Variants in PRR12 observed in about 807,000 individuals in gnomAD.
The protein encoded by PRR12 is proline-rich protein 12.
PRR12 carries 12 observed loss-of-function variants against 138.0 expected under a neutral mutation model. The observed-to-expected ratio is 0.09, with a 90% confidence interval of 0.06 to 0.14. PRR12 has a LOEUF of 0.14. Among genes scored for constraint, PRR12 ranks in the 10% least tolerant of loss-of-function variants. The pLI is 1.00. For synonymous variants in PRR12, 1,567 were observed against 1,291.7 expected, an observed-to-expected ratio of 1.21 and a Z score of -4.57; for missense variants, 2,692 against 2,861.3, an observed-to-expected ratio of 0.94 and a Z score of 1.35.
chr19:49,610,643 G>A (rs895730613), intron 6 of PRR12, among the ~76,000 whole-genome samples: 28 of 148,182 alleles, frequency 1.9e-4, no homozygotes, highest in African/African-American at 6.1e-4. Context: ...CTGGGTTCAC[G>A]CCATTCTCCT....
rs985900128 is a variant in PRR12 at position 49,594,893 on chromosome 19, T to A, written c.558T>A (p.His186Gln). The change falls in exon 4 of 14, where the codon CAT (histidine) becomes CAA (glutamine). Residue 186 changes from histidine (H) to glutamine (Q), a missense_variant. Coordinates refer to ENST00000418929, the MANE Select transcript of PRR12 (RefSeq NM_020719.3). The surrounding 1 kb of genome is among the most constrained non-coding windows in gnomAD (Gnocchi z 5.6). ...CAGCTAACGGGCTCCTGTCCCCTCA[T>A]GACGTGCTGCACCTGAAGCCCTCGC... ...SPPANGLLSP[H>Q]DVLHLKPSQA... 1.9e-6 allele frequency: 3 copies of A among 1,610,754 alleles called. No individual in the cohort carries two copies. Among genetic ancestry groups the A allele is most frequent in the African/African-American group, 1.3e-5 (1 of 74,840 alleles).
In PRR12 at chr19:49,597,417, G is replaced by A; in HGVS notation, c.3082G>A (p.Gly1028Ser). The A allele has an allele frequency of 6.5e-7, 1 of 1,538,450 alleles. No homozygotes were observed. Among genetic ancestry groups the A allele is most frequent in the Non-Finnish European group, 8.7e-7 (1 of 1,146,392 alleles). Residue 1028 changes from glycine to serine, a missense_variant, in exon 4 of 14, where the codon GGC (glycine) becomes AGC (serine). Gly to Ser is a moderately conservative substitution (Grantham distance 56, BLOSUM62 0). Transcript: ENST00000418929. This position sits in a 1 kb window ranked among gnomAD's most constrained non-coding sequence, Gnocchi z 6.3. ...LPSTVNAEPL[G>S]LIQSGPHQAA... ...CTCCACGGTCAACGCCGAGCCGCTGGGCCTGATCCAGAGTGGCCCCCACCA... is the reference window on the plus strand; with the variant it reads ...CTCCACGGTCAACGCCGAGCCGCTGAGCCTGATCCAGAGTGGCCCCCACCA...
At position 49,614,273 on chromosome 19, in the gene PRR12, G is replaced by A. The variant is rs1214464532; in HGVS notation, c.4774-260G>A. On this transcript the variant is annotated intron_variant, in intron 6 of 13. Transcript: ENST00000418929. The surrounding 1 kb of genome is among the most constrained non-coding windows in gnomAD (Gnocchi z 5.0). The stretch of plus-strand genomic sequence containing the variant: ...ACAGGAAGTTTTGGGCTTTCACCCC[G>A]TAAAGCAATAGTGACTCAAACTCTA... Among the ~76,000 whole-genome samples the A allele has an allele frequency of 6.6e-6, 1 of 152,172 alleles. No individual in the cohort carries two copies. The highest frequency in any genetic ancestry group is 1.5e-5 in the Non-Finnish European group (1 of 68,036).
chr19:49,608,853 C>A (rs552521642), intron 6 of PRR12, among the ~76,000 whole-genome samples: 21 of 150,204 alleles, frequency 1.4e-4, no homozygotes, highest in African/African-American at 5.2e-4. Flanking sequence ...AAAAAAAAAA[C>A]AAAAAAAACA....
At chr19:49,609,898 G>T (rs1014233875) in intron 6 of PRR12, among the ~76,000 whole-genome samples, 1 of 152,188 alleles carries the variant, frequency 6.6e-6, no homozygotes, top group East Asian at 1.9e-4. Flanking sequence ...AGTTGTTCAA[G>T]CCTGGATAGT....
chr19:49,603,860 G>A (rs567849132), intron 6 of PRR12, among the ~76,000 whole-genome samples: 4 of 151,704 alleles, frequency 2.6e-5, no homozygotes, highest in Admixed American at 2.0e-4. Context: ...AGACGGAGTC[G>A]CCCAGGCTGG....
At chr19:49,604,611 G>A (rs952397594) in intron 6 of PRR12, among the ~76,000 whole-genome samples, 1 of 151,896 alleles carries the variant, frequency 6.6e-6, no homozygotes, top group African/African-American at 2.4e-5. Context: ...CTGGGAGGCG[G>A]AAGTTGCAGA....
chr19:49,597,170 C>T lies in PRR12; in HGVS notation c.2835C>T (p.Ser945=). ...CCTTGCTCCAAGACGAGGAGCGCAGCTTCTTCCCCACCATGGAGGAGATGT... is the reference window on the plus strand; with the variant it reads ...CCTTGCTCCAAGACGAGGAGCGCAGTTTCTTCCCCACCATGGAGGAGATGT... ...PDSLLQDEER[S]FFPTMEEMFG... is the part of the protein sequence containing the mutation. The change falls in exon 4 of 14, where the codon AGC becomes AGT. Residue 945 remains serine, a synonymous_variant. Transcript: ENST00000418929. The surrounding 1 kb of genome is among the most constrained non-coding windows in gnomAD (Gnocchi z 6.3). The T allele has an allele frequency of 1.3e-6, 2 of 1,553,190 alleles. No individual in the cohort carries two copies. The highest frequency in any genetic ancestry group is 1.7e-6 in the Non-Finnish European group (2 of 1,148,420).
chr19:49,601,176 G>GT (rs1568425244), intron 5 of PRR12, among the ~76,000 whole-genome samples: 1 of 152,146 alleles, frequency 6.6e-6, no homozygotes, highest in Non-Finnish European at 1.5e-5. Context: ...TGAGGAAGTA[G>GT]AGTTAGGGAG....
chr19:49,625,288 C>T lies in PRR12; in HGVS notation c.5964+88C>T. 8 of 1,494,726 alleles carry T rather than the reference C, an allele frequency of 5.4e-6. No individual in the cohort carries two copies. The highest frequency in any genetic ancestry group is 7.4e-6 in the Non-Finnish European group (8 of 1,085,540). 92.6% of individuals were successfully genotyped at this position (1,494,726 alleles called of 1,614,324 possible). A position where few individuals can be genotyped will look rare whatever the true frequency, so the allele number is the denominator to read the frequency against. On this transcript the variant is annotated intron_variant, in intron 13 of 13. Transcript: ENST00000418929. This position sits in a 1 kb window ranked among gnomAD's most constrained non-coding sequence, Gnocchi z 5.5. ...TCTGAGGGTCCAAGCCCAGCCCCAT[C>T]CTGCCTCAGACCCAAGAGTTCAGGT...
chr19:49,625,087 A>T lies in PRR12; in HGVS notation c.5869-18A>T, dbSNP rs182938515. The stretch of plus-strand genomic sequence containing the variant: ...AGTGCCGGGCTGGAGGGGCTGAGGC[A>T]TCTCCACTCCTACCCAGGAGTTCAA... On this transcript the variant is annotated intron_variant, in intron 12 of 13. Transcript: ENST00000418929. The surrounding 1 kb of genome is among the most constrained non-coding windows in gnomAD (Gnocchi z 5.5). The T allele has an allele frequency of 3.3e-5, 53 of 1,611,240 alleles. No homozygotes were observed. Among genetic ancestry groups the T allele is most frequent in the Admixed American group, 1.0e-4 (6 of 59,974 alleles).
chr19:49,591,717 T>A lies in PRR12; in HGVS notation c.63T>A (p.Ser21Arg), dbSNP rs2080728472. The A allele has an allele frequency of 1.4e-6, 2 of 1,465,040 alleles. No homozygotes were observed. The highest frequency in any genetic ancestry group is 1.8e-6 in the Non-Finnish European group (2 of 1,102,878). The allele number at this position is 1,465,040 out of a possible 1,614,324, so 90.8% of individuals were successfully genotyped here. ...GDPLGAGAGW[S>R]YERSAKASLV... ...CGCTCGGCGCCGGGGCGGGATGGAG[T>A]TACGAGAGGTCAGCGAAAGCTAGGT... Residue 21 changes from serine to arginine, a missense_variant, in exon 1 of 14, where the codon AGT becomes AGA. Physicochemically the swap from Ser to Arg is moderately radical, Grantham distance 110. Transcript: ENST00000418929.
rs529932268 is a variant in PRR12 at position 49,595,112 on chromosome 19, G to C, written c.777G>C (p.Glu259Asp). ...CTTCCGCTGCCGCCGCCGCTGCCGA[G>C]CAGTCCTCCCCACAGCTCTATAACT... ...ASSSAAAAAA[E>D]QSSPQLYNFS... Residue 259 changes from glutamate (E) to aspartate (D), a missense_variant, in exon 4 of 14, where the codon GAG (glutamate) becomes GAC (aspartate). This residue lies in a region of PRR12 where 523 missense variants were observed against 496.4 expected (regional missense o/e 1.05). Transcript: ENST00000418929. 6.2e-7 allele frequency: 1 copy of C among 1,612,004 alleles called. No individual in the cohort carries two copies. Among genetic ancestry groups the C allele is most frequent in the Admixed American group, 1.7e-5 (1 of 59,996 alleles).
rs2080890058 is a variant in PRR12 at position 49,615,908 on chromosome 19, C to A, written c.5186C>A (p.Pro1729His). Residue 1729 changes from proline (P) to histidine (H), a missense_variant, in exon 9 of 14, where the codon CCC becomes CAC. Physicochemically the swap from Pro to His is moderately conservative, Grantham distance 77. Transcript: ENST00000418929. ...PETAMPEPPAPEKPSLLRPVE... is the reference protein window; with the variant it reads ...PETAMPEPPAHEKPSLLRPVE... ...ACGGCCATGCCTGAGCCCCCTGCCC[C>A]CGAGAAGCCCTCCCTCCTGCGGCCT... 1.9e-6 allele frequency: 3 copies of A among 1,563,850 alleles called. No individual in the cohort carries two copies. The highest frequency in any genetic ancestry group is 1.4e-5 in the African/African-American group (1 of 73,262).
In PRR12 at chr19:49,597,197, C is replaced by T. The variant is rs565598160; in HGVS notation, c.2862C>T (p.Phe954=). 1.1e-5 allele frequency: 17 copies of T among 1,560,146 alleles called. 1 individual carries two copies. The highest frequency in any genetic ancestry group is 7.1e-5 in the East Asian group (3 of 42,074). Residue 954 remains phenylalanine (F), a synonymous_variant, in exon 4 of 14, where the codon TTC becomes TTT. Coordinates refer to ENST00000418929, the MANE Select transcript of PRR12 (RefSeq NM_020719.3). This position sits in a 1 kb window ranked among gnomAD's most constrained non-coding sequence, Gnocchi z 6.3. ...TCTTCCCCACCATGGAGGAGATGTT[C>T]GGTGGAGGGGCCGCGGACGACTACG... The part of the protein sequence containing the change: ...RSFFPTMEEM[F]GGGAADDYGK...
rs369040741 is a variant in PRR12 at position 49,614,828 on chromosome 19, G to A, written c.4891-48G>A. On this transcript the variant is annotated intron_variant, in intron 7 of 13. Coordinates refer to ENST00000418929, the MANE Select transcript of PRR12 (RefSeq NM_020719.3). This position sits in a 1 kb window ranked among gnomAD's most constrained non-coding sequence, Gnocchi z 5.0. ...CAGGGCACGGGGGTGTTGGCCATCTGGCTGGGCAGTGTGAAGAATTTCCTC... is the reference window on the plus strand; with the variant it reads ...CAGGGCACGGGGGTGTTGGCCATCTAGCTGGGCAGTGTGAAGAATTTCCTC... 6.2e-7 allele frequency: 1 copy of A among 1,613,180 alleles called. No individual in the cohort carries two copies. The highest frequency in any genetic ancestry group is 1.3e-5 in the African/African-American group (1 of 75,040).
intron 2 of PRR12, among the ~76,000 whole-genome samples, chr19:49,593,675 C>T (rs961306836): frequency 6.6e-6 from 1 of 152,236 alleles, no homozygotes; most frequent in East Asian, 1.9e-4. Context: ...GCCCTGTTAC[C>T]ATCAGCCCCC....
At position 49,611,853 on chromosome 19, in the gene PRR12, G is replaced by T. The variant is rs1253447816; in HGVS notation, c.4774-2680G>T. The stretch of plus-strand genomic sequence containing the variant: ...CAGGAGAATGGCGTGAACCCGGGAG[G>T]CGGAGCTTGCAGTGAGCCGAGGTCG... On this transcript the variant is annotated intron_variant, in intron 6 of 13. Coordinates refer to ENST00000418929, the MANE Select transcript of PRR12 (RefSeq NM_020719.3). Among the ~76,000 whole-genome samples, 126 of 144,012 alleles carry T rather than the reference G, an allele frequency of 8.7e-4. 3 individuals are homozygous for T. Among genetic ancestry groups the T allele is most frequent in the African/African-American group, 3.4e-3 (126 of 37,012 alleles). 94.5% of individuals were successfully genotyped at this position (144,012 alleles called of 152,430 possible). A position where few individuals can be genotyped will look rare whatever the true frequency, so the allele number is the denominator to read the frequency against.
Position 49,596,997 on chromosome 19 carries a change from G to C in PRR12, c.2662G>C (p.Glu888Gln). 6.4e-7 allele frequency: 1 copy of C among 1,558,740 alleles called. No individual in the cohort carries two copies. The change falls in exon 4 of 14, where the codon GAG becomes CAG. Residue 888 changes from glutamate to glutamine, a missense_variant. Glu to Gln is a conservative substitution (Grantham distance 29). Around this residue, in one of 11 missense-constraint regions of PRR12, gnomAD observed 840 missense variants for 689.8 expected, o/e 1.22. Coordinates refer to ENST00000418929, the MANE Select transcript of PRR12 (RefSeq NM_020719.3). This position sits in a 1 kb window ranked among gnomAD's most constrained non-coding sequence, Gnocchi z 5.6. ...CATGCAGGAATTGCTCGGGGCTCTG[G>C]AGCCGCTGCCCCCGGCGCCTGGGGA... Reference protein sequence around the residue: ...GAMQELLGALEPLPPAPGDTG... With the variant: ...GAMQELLGALQPLPPAPGDTG...
Sources: gnomAD v4.1 joint callset for allele counts (sites outside exome capture counted in the v4.1 genomes callset) on GRCh38, gnomAD v4.1.1 for gene constraint, gnomAD v4.1.1 regional missense constraint, Gnocchi (gnomAD v3.1) non-coding constraint, MANE v1.5 for transcripts, NCBI Gene and HGNC (gene_info 2026-07-23, HGNC 2026-07-21) for gene names.